QKI: variants seen among roughly 807,000 people sequenced by gnomAD.
The protein encoded by QKI is QKI, KH domain containing RNA binding, also known as KH domain-containing RNA-binding protein QKI.
A neutral mutation model predicts 39.0 loss-of-function variants in QKI; 10 were observed. The observed-to-expected ratio is 0.26, with a 90% CI of 0.16 to 0.43. The LOEUF (loss-of-function observed/expected upper bound fraction) is 0.43. QKI is among the 20% of genes least tolerant of loss of function. The pLI, the probability that QKI is intolerant of heterozygous loss-of-function variation, is 1.00. For missense variants in QKI, 218 were observed against 428.0 expected, an observed-to-expected ratio of 0.51 and a Z score of 4.33; for synonymous variants, 204 against 155.4, an observed-to-expected ratio of 1.31 and a Z score of -2.33.
intron 3 of QKI, among the ~76,000 whole-genome samples, chr6:163,505,294 A>G (rs1296980921): frequency 7.2e-5 from 11 of 152,198 alleles, no homozygotes; most frequent in African/African-American, 2.4e-4. Context: ...ACCCCCACAC[A>G]GAGTCCCCAC....
At chr6:163,445,248 C>T (rs190883807) in intron 1 of QKI, among the ~76,000 whole-genome samples, 312 of 151,294 alleles carry the variant, frequency 2.1e-3, no homozygotes, top group African/African-American at 7.1e-3. Flanking sequence ...AGTGCTATCA[C>T]TAATCTGCAA....
rs1378379503 is a variant in QKI, at chr6:163,574,674, T to C, written c.*3964T>C. The C allele has an allele frequency of 6.6e-6, 1 of 152,232 alleles. No individual in the cohort carries two copies. The highest frequency in any genetic ancestry group is 1.5e-5 in the Non-Finnish European group (1 of 68,044). The allele number at this position is 152,232 out of a possible 1,614,324, so 9.4% of individuals were successfully genotyped here. On this transcript the variant is annotated 3_prime_UTR_variant, in exon 8 of 8. Transcript: ENST00000361752. ...ATGCTTTTCTTGGCTGGAACTTGGG[T>C]AAATTAACCTGTAATTATGAATTAT...
At chr6:163,570,450 T>TTG (rs1359005224) in intron 7 of QKI, 1 of 983,452 alleles carries the variant, frequency 1.0e-6, no homozygotes, top group African/African-American at 1.8e-5. Flanking sequence ...ACCAGTTTTT[T>TTG]TTTTTTTTTT....
intron 2 of QKI, among the ~76,000 whole-genome samples, chr6:163,475,712 AAC>A (rs1792538984): frequency 6.6e-6 from 1 of 152,242 alleles, no homozygotes; most frequent in African/African-American, 2.4e-5. Flanking sequence ...AGAAAATTAT[AAC>A]ACAGACATCA....
At chr6:163,454,285 T>G (rs552314226) in intron 1 of QKI, among the ~76,000 whole-genome samples, 2 of 152,280 alleles carry the variant, frequency 1.3e-5, no homozygotes, top group South Asian at 4.1e-4. Flanking sequence ...ACTCGGCTCA[T>G]TAAAATAGAA....
At chr6:163,475,883 C>T (rs1458557939) in intron 2 of QKI, among the ~76,000 whole-genome samples, 2 of 151,974 alleles carry the variant, frequency 1.3e-5, no homozygotes, top group African/African-American at 2.4e-5. Flanking sequence ...AAAATTTGAA[C>T]TGTGTTAAAA....
chr6:163,462,368 C>G (rs1466530608), intron 2 of QKI, among the ~76,000 whole-genome samples: 1 of 152,132 alleles, frequency 6.6e-6, no homozygotes, highest in Non-Finnish European at 1.5e-5. Flanking sequence ...CTGCTTTTCC[C>G]AAGTCCAAAA....
At chr6:163,569,336 C>A in intron 7 of QKI, 1 of 1,139,164 alleles carries the variant, frequency 8.8e-7, no homozygotes, top group Non-Finnish European at 1.1e-6. Context: ...TATTTTGGAT[C>A]ATTTAAACTG....
rs375241899 is a variant in QKI at position 163,451,043 on chromosome 6, G to A, written c.143-4236G>A. Among the ~76,000 whole-genome samples the A allele has an allele frequency of 1.3e-4, 20 of 152,252 alleles. 1 individual carries two copies. The highest frequency in any genetic ancestry group is 4.3e-4 in the African/African-American group (18 of 41,556). ...GACTCGGAGACTATTCATCCTTAAA[G>A]AATAAAGAATATCAGCTGATAGATT... On this transcript the variant is annotated intron_variant, in intron 1 of 7. Coordinates refer to ENST00000361752, the MANE Select transcript of QKI (RefSeq NM_006775.3).
chr6:163,415,762 C>T (rs1347312406), intron 1 of QKI, among the ~76,000 whole-genome samples: 1 of 152,014 alleles, frequency 6.6e-6, no homozygotes, highest in Non-Finnish European at 1.5e-5. Flanking sequence ...GGGCCCCGCT[C>T]CTCCGCTCGG....
Position 163,570,790 on chromosome 6 carries a change from C to A in QKI, c.*80C>A. 6.4e-7 allele frequency: 1 copy of A among 1,561,420 alleles called. No homozygotes were observed. Among genetic ancestry groups the A allele is most frequent in the South Asian group, 1.2e-5 (1 of 82,602 alleles). On this transcript the variant is annotated 3_prime_UTR_variant, in exon 8 of 8. Coordinates refer to ENST00000361752, the MANE Select transcript of QKI (RefSeq NM_006775.3). ...GCCTGCTGATCAGTTAACTGGTAAT[C>A]GCCTTTGCTTGCCTGTCGTCAGTGC... is the stretch of plus-strand genomic sequence containing the variant.
intron 6 of QKI, 192 bp downstream of exon 6, chr6:163,563,911 T>C (rs1783189865): frequency 7.1e-7 from 1 of 1,412,094 alleles, no homozygotes; most frequent in Non-Finnish European, 9.2e-7. Context: ...CTTAAATTTA[T>C]TCAGATCCAC....
At chr6:163,452,679 C>G (rs779506761) in intron 1 of QKI, among the ~76,000 whole-genome samples, 5 of 152,172 alleles carry the variant, frequency 3.3e-5, no homozygotes, top group Non-Finnish European at 5.9e-5. Context: ...CTTGTATCAT[C>G]TAACCAGATA....
At chr6:163,554,651 A>G (rs1443713287) in intron 4 of QKI, among the ~76,000 whole-genome samples, 2 of 152,192 alleles carry the variant, frequency 1.3e-5, no homozygotes, top group Admixed American at 6.5e-5. Context: ...TTTTTATCTC[A>G]TTACATGGAG....
chr6:163,566,103 T>G, intron 6 of QKI: 2 of 1,478,544 alleles, frequency 1.4e-6, no homozygotes, highest in Non-Finnish European at 1.8e-6. Context: ...CACATAGATA[T>G]AAAGTAAAAT....
chr6:163,442,071 G>A (rs935068926), intron 1 of QKI, among the ~76,000 whole-genome samples: 2 of 152,102 alleles, frequency 1.3e-5, no homozygotes, highest in Admixed American at 6.6e-5. Context: ...ATTTACATAC[G>A]AATGTACAGT....
At position 163,415,344 on chromosome 6, in the gene QKI, C is replaced by G. The variant is rs2757578; in HGVS notation, c.142+9C>G. The G allele has an allele frequency of 4.3e-4, 683 of 1,571,938 alleles. 3 individuals are homozygous for G. The African/African-American group carries it at 8.3e-3, about 19-fold the overall frequency. On this transcript the variant is annotated intron_variant, in intron 1 of 7. Coordinates refer to ENST00000361752, the MANE Select transcript of QKI (RefSeq NM_006775.3). Reference sequence around the variant, plus strand: ...GCGGCTGCTGGACGAAGGTGAGCGTCTCCAGGGCCCCGGCCCCGGCCCGAC... The same window carrying G: ...GCGGCTGCTGGACGAAGGTGAGCGTGTCCAGGGCCCCGGCCCCGGCCCGAC...
chr6:163,506,339 A>G (rs1391076989), intron 3 of QKI, among the ~76,000 whole-genome samples: 1 of 152,200 alleles, frequency 6.6e-6, no homozygotes, highest in Non-Finnish European at 1.5e-5. Context: ...AGTGGTTGTT[A>G]AAATTATGAT....
chr6:163,548,801 G>A (rs1782043492), intron 4 of QKI, among the ~76,000 whole-genome samples: 1 of 152,178 alleles, frequency 6.6e-6, no homozygotes, highest in African/African-American at 2.4e-5. Context: ...CTGGCTACGA[G>A]GTGAGAGAAC....
Sources: allele counts gnomAD v4.1 joint callset (sites outside exome capture counted in the v4.1 genomes callset), GRCh38; gene constraint gnomAD v4.1.1; transcripts MANE v1.5; gene names NCBI Gene and HGNC (gene_info 2026-07-23, HGNC 2026-07-21).